MSRA: variants seen among roughly 807,000 people sequenced by gnomAD.
MSRA encodes the protein mitochondrial peptide methionine sulfoxide reductase.
A neutral mutation model predicts 31.3 loss-of-function variants in MSRA; 54 were observed. The ratio of observed to expected loss-of-function variants is 1.73; its 90% CI spans 1.39 to 2.17. The LOEUF (loss-of-function observed/expected upper bound fraction) is 2.17, where lower values mean the gene tolerates loss of function less well. Among genes scored for constraint, MSRA ranks in the 30% most tolerant of loss-of-function variants. MSRA has a pLI of 0.00. For missense variants in MSRA, 507 were observed against 300.9 expected, an observed-to-expected ratio of 1.69 and a Z score of -5.07; for synonymous variants, 169 against 116.5, an observed-to-expected ratio of 1.45 and a Z score of -2.90.
chr8:10,409,611 C>T (rs937118609), intron 5 of MSRA, among the ~76,000 whole-genome samples: 2 of 152,242 alleles, frequency 1.3e-5, no homozygotes, highest in Non-Finnish European at 2.9e-5. Flanking sequence ...CATCAGACAG[C>T]ATGTGTAGAG....
At chr8:10,424,390 T>C (rs1171936672) in intron 5 of MSRA, among the ~76,000 whole-genome samples, 34 of 130,252 alleles carry the variant, frequency 2.6e-4, no homozygotes, top group Non-Finnish European at 3.3e-4. Context: ...TGGAGTGGGA[T>C]GGAGAGAAGG....
chr8:10,278,406 C>G (rs557595160), intron 3 of MSRA, among the ~76,000 whole-genome samples: 5 of 152,226 alleles, frequency 3.3e-5, no homozygotes, highest in Admixed American at 6.5e-5. Context: ...ACTTCTTGTT[C>G]ATGTAACAAC....
At chr8:10,146,011 A>G (rs1356268215) in intron 1 of MSRA, among the ~76,000 whole-genome samples, 1 of 152,206 alleles carries the variant, frequency 6.6e-6, no homozygotes, top group African/African-American at 2.4e-5. Context: ...CCGTATATTT[A>G]TGTATTTGGA....
At chr8:10,079,367 C>T (rs145344407) in intron 1 of MSRA, among the ~76,000 whole-genome samples, 1 of 152,074 alleles carries the variant, frequency 6.6e-6, no homozygotes, top group African/African-American at 2.4e-5. Flanking sequence ...GTTGCCCAGG[C>T]TTGTCTCGAA....
rs1042047454 is a variant in MSRA, at chr8:10,423,563, C to A, written c.544-4585C>A. On this transcript the variant is annotated intron_variant, in intron 5 of 5. Coordinates refer to ENST00000317173, the MANE Select transcript of MSRA (RefSeq NM_012331.5). ...CCATCTGTAACCCAGAGGTGACAGT[C>A]TTCGTCCCCTATCTCCCCCTGCTCC... is the stretch of plus-strand genomic sequence containing the variant. 3.9e-5 allele frequency among the ~76,000 whole-genome samples: 6 copies of A among 152,164 alleles called. No individual in the cohort carries two copies. The East Asian group carries it at 9.7e-4, about 25-fold the overall frequency.
At chr8:10,360,581 C>T (rs1016130622) in intron 5 of MSRA, among the ~76,000 whole-genome samples, 1 of 152,164 alleles carries the variant, frequency 6.6e-6, no homozygotes. Context: ...GAACGTCTGA[C>T]GGCACTTCAC....
At chr8:10,159,294 G>A (rs1449518910) in intron 1 of MSRA, among the ~76,000 whole-genome samples, 3 of 152,210 alleles carry the variant, frequency 2.0e-5, no homozygotes, top group Non-Finnish European at 2.9e-5. Flanking sequence ...GGTGGGTAGT[G>A]GAGAGTGGTG....
At chr8:10,231,950 C>G (rs1004283395) in intron 2 of MSRA, among the ~76,000 whole-genome samples, 23 of 151,968 alleles carry the variant, frequency 1.5e-4, no homozygotes, top group African/African-American at 5.6e-4. Context: ...AACAGGAAAG[C>G]GTGAAGTGTA....
chr8:10,315,806 A>C (rs1801678072), intron 4 of MSRA, among the ~76,000 whole-genome samples: 1 of 152,206 alleles, frequency 6.6e-6, no homozygotes, highest in Middle Eastern at 3.2e-3. Flanking sequence ...CAAACTTGGG[A>C]TTTTAGAACA....
In MSRA at chr8:10,205,986, A is replaced by C. The variant is rs555133892; in HGVS notation, c.143-1847A>C. On this transcript the variant is annotated intron_variant, in intron 1 of 5. Coordinates refer to ENST00000317173, the MANE Select transcript of MSRA (RefSeq NM_012331.5). ...TACTTTTGGATATTTAGTTGATTTT[A>C]AGATTTTGTTATTACAGGTAATACT... 5.9e-5 allele frequency among the ~76,000 whole-genome samples: 9 copies of C among 152,312 alleles called. No individual in the cohort carries two copies. In the East Asian group the frequency reaches 1.7e-3, roughly 29 times the overall value.
At chr8:10,388,582 G>T (rs1052648465) in intron 5 of MSRA, among the ~76,000 whole-genome samples, 3 of 152,126 alleles carry the variant, frequency 2.0e-5, no homozygotes, top group Admixed American at 2.0e-4. Flanking sequence ...TCACTTTTCT[G>T]ATGCTAAACC....
At chr8:10,057,254 G>T (rs750504554) in intron 1 of MSRA, among the ~76,000 whole-genome samples, 1 of 152,156 alleles carries the variant, frequency 6.6e-6, no homozygotes, top group Non-Finnish European at 1.5e-5. Context: ...CTGGCTGGCT[G>T]GTAGGGCACA....
At chr8:10,341,942 C>T (rs1001326261) in intron 5 of MSRA, among the ~76,000 whole-genome samples, 1 of 152,156 alleles carries the variant, frequency 6.6e-6, no homozygotes, top group Non-Finnish European at 1.5e-5. Flanking sequence ...AGTGCATTTC[C>T]TCCTGTGACA....
chr8:10,397,235 A>G (rs1807152409), intron 5 of MSRA, among the ~76,000 whole-genome samples: 1 of 152,228 alleles, frequency 6.6e-6, no homozygotes, highest in Admixed American at 6.5e-5. Flanking sequence ...GGAACAAAGT[A>G]GAGGTATGAA....
At chr8:10,094,074 T>C (rs558681519) in intron 1 of MSRA, among the ~76,000 whole-genome samples, 1 of 152,388 alleles carries the variant, frequency 6.6e-6, no homozygotes, top group African/African-American at 2.4e-5. Flanking sequence ...TTATTGGTTT[T>C]GAATTACAAA....
At chr8:10,314,080 G>A (rs896820511) in intron 4 of MSRA, among the ~76,000 whole-genome samples, 1 of 152,056 alleles carries the variant, frequency 6.6e-6, no homozygotes, top group Non-Finnish European at 1.5e-5. Flanking sequence ...CATGACCTTG[G>A]GTTTCGGAAG....
chr8:10,302,392 A>G (rs560545822), intron 4 of MSRA, among the ~76,000 whole-genome samples: 23 of 152,250 alleles, frequency 1.5e-4, no homozygotes, highest in African/African-American at 5.5e-4. Flanking sequence ...GTCCTATGCA[A>G]TAGATGTGGT....
At chr8:10,164,447 C>G (rs1804944479) in intron 1 of MSRA, among the ~76,000 whole-genome samples, 1 of 152,148 alleles carries the variant, frequency 6.6e-6, no homozygotes, top group African/African-American at 2.4e-5. Flanking sequence ...CGTTAGCTTC[C>G]TGAGCTTTTT....
At chr8:10,126,997 C>T (rs879790898) in intron 1 of MSRA, among the ~76,000 whole-genome samples, 1 of 152,200 alleles carries the variant, frequency 6.6e-6, no homozygotes, top group African/African-American at 2.4e-5. Flanking sequence ...CAGGCCACAG[C>T]CTGGTCCACT....
Sources: allele counts gnomAD v4.1 joint callset (sites outside exome capture counted in the v4.1 genomes callset), GRCh38; gene constraint gnomAD v4.1.1; transcripts MANE v1.5; gene names NCBI Gene and HGNC (gene_info 2026-07-23, HGNC 2026-07-21).